MDN1: variants seen among roughly 807,000 people sequenced by gnomAD.
MDN1 encodes the protein midasin AAA ATPase 1.
A neutral mutation model predicts 669.2 loss-of-function variants in MDN1; 266 were observed. That is an observed-to-expected ratio of 0.40 (90% CI 0.36 to 0.44). MDN1 has a LOEUF of 0.44. MDN1 is among the 20% of genes least tolerant of loss of function. The pLI is 1.00. For missense variants in MDN1, 5,940 were observed against 6,754.0 expected (o/e 0.88, Z 4.22); for synonymous variants, 2,385 against 2,457.1 (o/e 0.97, Z 0.87).
Position 89,759,860 on chromosome 6 carries a change from T to A in MDN1, c.2461-900A>T, listed in dbSNP as rs149411842. On this transcript the variant is annotated intron_variant, in intron 17 of 101. Coordinates refer to ENST00000369393, the MANE Select transcript of MDN1 (RefSeq NM_014611.3). ...GCCAAGGTGGGTGGCTCACCTGAGG[T>A]CAGGAGTTCAACACCAGCCTGGCCA... Among the ~76,000 whole-genome samples the A allele has an allele frequency of 1.2e-3, 183 of 151,180 alleles. 2 individuals are homozygous for A. Among genetic ancestry groups the A allele is most frequent in the African/African-American group, 4.4e-3 (179 of 41,062 alleles).
At chr6:89,793,063 A>G (rs1819366238) in intron 5 of MDN1, among the ~76,000 whole-genome samples, 1 of 152,176 alleles carries the variant, frequency 6.6e-6, no homozygotes, top group African/African-American at 2.4e-5. Context: ...GGCTCCCACT[A>G]GTGCCAGACT....
chr6:89,684,853 A>G (rs1412150840), intron 71 of MDN1, 23 bp downstream of exon 71: 1 of 1,457,368 alleles, frequency 6.9e-7, no homozygotes, highest in Non-Finnish European at 9.6e-7. Flanking sequence ...CCCAAGAGTG[A>G]TCATGACAGC....
At chr6:89,812,123 T>C (rs1768460584) in intron 1 of MDN1, among the ~76,000 whole-genome samples, 2 of 151,554 alleles carry the variant, frequency 1.3e-5, no homozygotes, top group South Asian at 4.2e-4. Context: ...GTAGCTGGGA[T>C]TACAGGCATG....
rs777877802 is a variant in MDN1 at position 89,713,171 on chromosome 6, G to C, written c.7195C>G (p.Gln2399Glu). 4 of 1,613,664 alleles carry C rather than the reference G, an allele frequency of 2.5e-6. No individual in the cohort carries two copies. Among genetic ancestry groups the C allele is most frequent in the Non-Finnish European group, 8.5e-7 (1 of 1,179,920 alleles). ...ACCTTCCGGTTTGCTGGTGAATGCT[G>C]GGAACAGACATATACTTCCCAGCAT... ...EACWEVYVCS[Q>E]HSPANRKLVQ... Residue 2399 changes from glutamine (Q) to glutamate (E), a missense_variant, in exon 47 of 102, where the codon CAG becomes GAG. Physicochemically the swap from Gln to Glu is conservative, Grantham distance 29. Coordinates refer to ENST00000369393, the MANE Select transcript of MDN1 (RefSeq NM_014611.3).
At chr6:89,810,428 T>C (rs1219064259) in intron 1 of MDN1, among the ~76,000 whole-genome samples, 1 of 151,980 alleles carries the variant, frequency 6.6e-6, no homozygotes, top group Non-Finnish European at 1.5e-5. Context: ...AGAGTGAGAC[T>C]CTGTCTCAAA....
intron 48 of MDN1, 118 bp downstream of exon 48, chr6:89,712,457 C>A (rs1814007177): frequency 9.2e-7 from 1 of 1,091,680 alleles, no homozygotes; most frequent in Non-Finnish European, 1.4e-6. Context: ...AAAACTATGA[C>A]AGCTACACAA....
intron 84 of MDN1, among the ~76,000 whole-genome samples, chr6:89,665,181 C>T (rs1040429309): frequency 6.6e-6 from 1 of 152,090 alleles, no homozygotes; most frequent in Non-Finnish European, 1.5e-5. Flanking sequence ...GCACATACAA[C>T]CACACCTGGC....
chr6:89,796,334 A>C (rs1412260056), intron 2 of MDN1, among the ~76,000 whole-genome samples: 12 of 111,554 alleles, frequency 1.1e-4, no homozygotes, highest in Admixed American at 4.5e-4. Flanking sequence ...CAAAAAAAAA[A>C]AAAAAAAAAA....
chr6:89,649,929 A>G, intron 97 of MDN1, 95 bp downstream of exon 97: 1 of 1,271,332 alleles, frequency 7.9e-7, no homozygotes, highest in African/African-American at 1.5e-5. Context: ...TATTTAAAGC[A>G]TTAGCCATAT....
intron 27 of MDN1, among the ~76,000 whole-genome samples, chr6:89,746,072 C>T (rs1816598569): frequency 6.6e-6 from 1 of 152,154 alleles, no homozygotes; most frequent in African/African-American, 2.4e-5. Context: ...CCAAAAAGTA[C>T]ATACTGCATG....
At chr6:89,719,734 C>A (rs181139540) in intron 40 of MDN1, among the ~76,000 whole-genome samples, 1 of 152,208 alleles carries the variant, frequency 6.6e-6, no homozygotes, top group African/African-American at 2.4e-5. Flanking sequence ...ACAGCACTCA[C>A]AAGAGTTATA....
intron 36 of MDN1, among the ~76,000 whole-genome samples, chr6:89,728,494 T>G (rs986320569): frequency 1.3e-5 from 2 of 152,178 alleles, no homozygotes; most frequent in African/African-American, 4.8e-5. Context: ...AAGATTTAGT[T>G]TGGAAGGTCA....
chr6:89,818,212 G>A (rs963032382), intron 1 of MDN1, among the ~76,000 whole-genome samples: 2 of 150,318 alleles, frequency 1.3e-5, no homozygotes, highest in Admixed American at 6.6e-5. Context: ...CCAGTTACTC[G>A]GGAGGTTGAG....
At position 89,725,432 on chromosome 6, in the gene MDN1, T is replaced by C; in HGVS notation, c.5473-36A>G. ...AAGAAAGTACATAATTTGTCTCAAA[T>C]ATATTATACAACTGCAACAAAAAGC... On this transcript the variant is annotated intron_variant, in intron 37 of 101. Transcript: ENST00000369393. 1.9e-6 allele frequency: 3 copies of C among 1,538,630 alleles called. No individual in the cohort carries two copies. The South Asian group carries it at 3.4e-5, about 17-fold the overall frequency.
rs1808271794 is a variant in MDN1 at position 89,643,142 on chromosome 6, C to CATTT, written c.*862_*863insAAAT. ...TGGAGCTGCTGAGTTCTGGACACAG[C>CATTT]GTTTCTTTCCCAGAATGAGACTGGC... On this transcript the variant is annotated 3_prime_UTR_variant, in exon 102 of 102. Coordinates refer to ENST00000369393, the MANE Select transcript of MDN1 (RefSeq NM_014611.3). 6.6e-6 allele frequency: 1 copy of CATTT among 152,096 alleles called. No homozygotes were observed. Among genetic ancestry groups the CATTT allele is most frequent in the African/African-American group, 2.4e-5 (1 of 41,402 alleles). The allele number at this position is 152,096 out of a possible 1,614,324, so 9.4% of individuals were successfully genotyped here. A position where few individuals can be genotyped will look rare whatever the true frequency, so the allele number is the denominator to read the frequency against.
At chr6:89,761,835 A>G (rs112479949) in intron 16 of MDN1, 87 bp from the exon 17 acceptor site, 1 of 984,008 alleles carries the variant, frequency 1.0e-6, no homozygotes, top group Non-Finnish European at 1.5e-6. Flanking sequence ...AACAAAACAC[A>G]CAAAAATTAA....
chr6:89,781,795 A>T (rs1818687658), intron 9 of MDN1, among the ~76,000 whole-genome samples: 1 of 152,146 alleles, frequency 6.6e-6, no homozygotes, highest in African/African-American at 2.4e-5. Context: ...TTTGAGATCA[A>T]CTTGGGCAAC....
At chr6:89,661,967 G>C in intron 87 of MDN1, 120 bp downstream of exon 87, 2 of 1,131,754 alleles carry the variant, frequency 1.8e-6, no homozygotes, top group Non-Finnish European at 2.5e-6. Context: ...TCTTTTATGA[G>C]GTAATGGGAG....
At chr6:89,713,616 C>T (rs2128312176) in intron 46 of MDN1, among the ~76,000 whole-genome samples, 1 of 152,222 alleles carries the variant, frequency 6.6e-6, no homozygotes, top group East Asian at 1.9e-4. Flanking sequence ...TTGAGTGTAA[C>T]CTCATAAAAG....
Sources: gnomAD v4.1 joint callset for allele counts (sites outside exome capture counted in the v4.1 genomes callset) on GRCh38, gnomAD v4.1.1 for gene constraint, MANE v1.5 for transcripts, NCBI Gene and HGNC (gene_info 2026-07-23, HGNC 2026-07-21) for gene names.